Variants in COL8A1 observed in about 807,000 individuals in gnomAD.
COL8A1 encodes the protein collagen type VIII alpha 1 chain.
A neutral mutation model predicts 42.7 loss-of-function variants in COL8A1; 21 were observed. The observed-to-expected ratio is 0.49, with a 90% CI of 0.35 to 0.71. COL8A1 has a LOEUF of 0.71. Ranked by LOEUF, COL8A1 falls within the 30% of genes least tolerant of loss-of-function variation. The pLI is 0.01. For missense variants in COL8A1, 788 were observed against 962.4 expected, an observed-to-expected ratio of 0.82 and a Z score of 2.40; for synonymous variants, 367 against 369.1, an observed-to-expected ratio of 0.99 and a Z score of 0.06.
chr3:99,642,600 T>A (rs1490380461), intron 1 of COL8A1, among the ~76,000 whole-genome samples: 1 of 152,218 alleles, frequency 6.6e-6, no homozygotes, highest in East Asian at 1.9e-4. Flanking sequence ...CCATCGTCCC[T>A]CCTGGACAAC....
At chr3:99,738,612 C>G (rs1255039491) in intron 1 of COL8A1, among the ~76,000 whole-genome samples, 2 of 152,178 alleles carry the variant, frequency 1.3e-5, no homozygotes, top group Non-Finnish European at 1.5e-5. Context: ...ATGGGAGAAC[C>G]ACTGCTCTCT....
chr3:99,739,889 T>C (rs1940849708), intron 1 of COL8A1, among the ~76,000 whole-genome samples: 1 of 152,232 alleles, frequency 6.6e-6, no homozygotes, highest in South Asian at 2.1e-4. Flanking sequence ...AAATTTGTTT[T>C]TTCTTTTCTA....
At chr3:99,757,761 G>A (rs774371329) in intron 2 of COL8A1, among the ~76,000 whole-genome samples, 1 of 152,112 alleles carries the variant, frequency 6.6e-6, no homozygotes, top group Non-Finnish European at 1.5e-5. Flanking sequence ...GGATACATCT[G>A]TTCCCAAACT....
intron 2 of COL8A1, among the ~76,000 whole-genome samples, chr3:99,766,601 T>C (rs1004785629): frequency 3.3e-5 from 5 of 152,220 alleles, no homozygotes; most frequent in South Asian, 4.1e-4. Context: ...TTAAAATTAA[T>C]ATTCACCATA....
chr3:99,724,974 T>C (rs1940261155), intron 1 of COL8A1, among the ~76,000 whole-genome samples: 1 of 152,118 alleles, frequency 6.6e-6, no homozygotes, highest in South Asian at 2.1e-4. Context: ...ATCTTAAATA[T>C]AATAAGATTG....
At chr3:99,716,195 T>C (rs1272467589) in intron 1 of COL8A1, among the ~76,000 whole-genome samples, 1 of 151,902 alleles carries the variant, frequency 6.6e-6, no homozygotes, top group Non-Finnish European at 1.5e-5. Context: ...GAGTACAGAG[T>C]AATAGTCATT....
At position 99,795,423 on chromosome 3, in the gene COL8A1, C is replaced by T. The variant is rs1403762937; in HGVS notation, c.1522C>T (p.Pro508Ser). The change falls in exon 4 of 4, where the codon CCC becomes TCC. Residue 508 changes from proline (P) to serine (S), a missense_variant. Coordinates refer to ENST00000652472, the MANE Select transcript of COL8A1 (RefSeq NM_020351.4). ...CCCAGGGATTGGGGGCCCTAGTGGC[C>T]CCATTGGACCACCTGGGATTCCAGG... ...GIPGIGGPSG[P>S]IGPPGIPGPK... The T allele has an allele frequency of 3.3e-6, 5 of 1,524,090 alleles. No individual in the cohort carries two copies. Among genetic ancestry groups the T allele is most frequent in the Non-Finnish European group, 4.4e-6 (5 of 1,134,202 alleles). 94.4% of individuals were successfully genotyped at this position (1,524,090 alleles called of 1,614,324 possible).
At chr3:99,659,460 A>C (rs1009240246) in intron 1 of COL8A1, among the ~76,000 whole-genome samples, 2 of 152,336 alleles carry the variant, frequency 1.3e-5, no homozygotes, top group South Asian at 4.1e-4. Flanking sequence ...ATAAATTGCT[A>C]ATAATAATAA....
intron 2 of COL8A1, among the ~76,000 whole-genome samples, chr3:99,751,931 G>A (rs1178136180): frequency 6.6e-6 from 1 of 152,054 alleles, no homozygotes; most frequent in Non-Finnish European, 1.5e-5. Flanking sequence ...TGAAAAATTG[G>A]CTACTTCTAA....
intron 1 of COL8A1, among the ~76,000 whole-genome samples, chr3:99,647,075 A>G (rs1193555423): frequency 6.6e-6 from 1 of 152,224 alleles, no homozygotes; most frequent in African/African-American, 2.4e-5. Flanking sequence ...ACACTCAATG[A>G]AACAATATTA....
At chr3:99,783,586 T>C (rs1310474986) in intron 2 of COL8A1, among the ~76,000 whole-genome samples, 1 of 152,222 alleles carries the variant, frequency 6.6e-6, no homozygotes, top group African/African-American at 2.4e-5. Context: ...AAGAACTACC[T>C]GAGACTGGGT....
At chr3:99,732,554 A>G (rs576346705) in intron 1 of COL8A1, among the ~76,000 whole-genome samples, 84 of 152,236 alleles carry the variant, frequency 5.5e-4, no homozygotes, top group Non-Finnish European at 5.1e-4. Context: ...GAACAGCATA[A>G]GGGTAACCAC....
intron 1 of COL8A1, among the ~76,000 whole-genome samples, chr3:99,660,149 G>A (rs1408292463): frequency 2.0e-5 from 3 of 152,218 alleles, no homozygotes; most frequent in South Asian, 4.2e-4. Flanking sequence ...AGTGTGGTGC[G>A]TCACAAGTGC....
chr3:99,755,889 A>G (rs1429812237), intron 2 of COL8A1, among the ~76,000 whole-genome samples: 1 of 152,120 alleles, frequency 6.6e-6, no homozygotes, highest in Admixed American at 6.6e-5. Context: ...GTTTACATGA[A>G]CTGGGGTGGG....
At chr3:99,736,661 C>T (rs1940727762) in intron 1 of COL8A1, among the ~76,000 whole-genome samples, 1 of 152,010 alleles carries the variant, frequency 6.6e-6, no homozygotes, top group Non-Finnish European at 1.5e-5. Context: ...AGTATGTGGT[C>T]AATTTTGGAA....
intron 1 of COL8A1, among the ~76,000 whole-genome samples, chr3:99,674,188 A>T (rs574070835): frequency 6.6e-6 from 1 of 152,120 alleles, no homozygotes; most frequent in African/African-American, 2.4e-5. Context: ...TTTCATTGAG[A>T]CTATTTATAG....
At chr3:99,767,739 T>C (rs1941491293) in intron 2 of COL8A1, among the ~76,000 whole-genome samples, 1 of 152,196 alleles carries the variant, frequency 6.6e-6, no homozygotes, top group Admixed American at 6.5e-5. Flanking sequence ...CCACTGAACC[T>C]CTGAGTCTTA....
rs1343780133 is a variant in COL8A1, at chr3:99,798,087, GA to G, written c.*1955del. The G allele has an allele frequency of 6.6e-6, 1 of 152,152 alleles. No individual in the cohort carries two copies. Among genetic ancestry groups the G allele is most frequent in the African/African-American group, 2.4e-5 (1 of 41,448 alleles). The allele number at this position is 152,152 out of a possible 1,614,324, so 9.4% of individuals were successfully genotyped here. On this transcript the variant is annotated 3_prime_UTR_variant, in exon 4 of 4. Coordinates refer to ENST00000652472, the MANE Select transcript of COL8A1 (RefSeq NM_020351.4). ...AAAAATACACAAATAAATACGGTAT[GA>G]AAACACATGGAAATGTGTCTTTGTC...
At chr3:99,736,371 C>T (rs10935921) in intron 1 of COL8A1, among the ~76,000 whole-genome samples, 28,081 of 151,948 alleles carry the variant, frequency 0.18, 2,739 homozygotes, top group African/African-American at 0.23. Context: ...TCATTGGTTT[C>T]AAAGAACATC....
Sources: gnomAD v4.1 joint callset for allele counts (sites outside exome capture counted in the v4.1 genomes callset) on GRCh38, gnomAD v4.1.1 for gene constraint, MANE v1.5 for transcripts, NCBI Gene and HGNC (gene_info 2026-07-23, HGNC 2026-07-21) for gene names.